Variants in GATA4 observed in about 807,000 individuals in gnomAD.
GATA4 encodes GATA binding protein 4.
A neutral mutation model predicts 37.9 loss-of-function variants in GATA4; 7 were observed. The ratio of observed to expected loss-of-function variants is 0.18; its 90% CI spans 0.11 to 0.35. GATA4 has a LOEUF of 0.35. GATA4 is among the 10% of genes least tolerant of loss of function. The pLI is 1.00. For missense variants in GATA4, 647 were observed against 653.0 expected, an observed-to-expected ratio of 0.99 and a Z score of 0.10; for synonymous variants, 372 against 292.6, an observed-to-expected ratio of 1.27 and a Z score of -2.77.
At chr8:11,680,757 G>A (rs1243858162) in intron 1 of GATA4, 2 of 985,164 alleles carry the variant, frequency 2.0e-6, no homozygotes, top group Admixed American at 6.1e-5. Context: ...CGGCTTCTGC[G>A]CACCCCTCTC....
rs201647948 is a variant in GATA4 at position 11,742,379 on chromosome 8, G to GTT, written c.617-6534_617-6533dup. 1.3e-3 allele frequency among the ~76,000 whole-genome samples: 121 copies of GTT among 93,108 alleles called. 1 individual carries two copies. Among genetic ancestry groups the GTT allele is most frequent in the Non-Finnish European group, 1.6e-3 (60 of 38,022 alleles). 61.1% of individuals were successfully genotyped at this position (93,108 alleles called of 152,430 possible). A position where few individuals can be genotyped will look rare whatever the true frequency, so the allele number is the denominator to read the frequency against. On this transcript the variant is annotated intron_variant, in intron 2 of 6. Coordinates refer to ENST00000532059, the MANE Select transcript of GATA4 (RefSeq NM_001308093.3). Reference sequence around the variant, plus strand: ...CCCTCCCTCCGTTCTTGTTTTTGGTGTTTTGTTTTTTTTTTTTCCTTTCCC... The same window carrying GTT: ...CCCTCCCTCCGTTCTTGTTTTTGGTGTTTTTTGTTTTTTTTTTTTCCTTTCCC...
chr8:11,721,360 G>A (rs1279105945), intron 2 of GATA4, among the ~76,000 whole-genome samples: 1 of 149,056 alleles, frequency 6.7e-6, no homozygotes. Context: ...AATGCAAGCA[G>A]AAGCACGGCG....
intron 2 of GATA4, among the ~76,000 whole-genome samples, chr8:11,733,106 G>T (rs1388827873): frequency 6.6e-6 from 1 of 152,178 alleles, no homozygotes; most frequent in Non-Finnish European, 1.5e-5. Flanking sequence ...TAAATTCCCT[G>T]TGGAGGGAGC....
Position 11,681,399 on chromosome 8 carries a change from G to T in GATA4, c.-274+4336G>T, listed in dbSNP as rs192628003. On this transcript the variant is annotated intron_variant, in intron 1 of 6. Coordinates refer to the GATA4 transcript ENST00000528712. Reference sequence around the variant, plus strand: ...AAAAACTCCTGGCAGACCCTTCCGGGATCACGCGTGGCTCAACTCGGGGGC... The same window carrying T: ...AAAAACTCCTGGCAGACCCTTCCGGTATCACGCGTGGCTCAACTCGGGGGC... The T allele has an allele frequency of 3.7e-5, 36 of 985,090 alleles. No homozygotes were observed. In the East Asian group the frequency reaches 2.6e-3, roughly 72 times the overall value. The allele number at this position is 985,090 out of a possible 1,614,324, so 61.0% of individuals were successfully genotyped here.
At chr8:11,740,190 T>C (rs528288229) in intron 2 of GATA4, among the ~76,000 whole-genome samples, 1 of 152,200 alleles carries the variant, frequency 6.6e-6, no homozygotes, top group Non-Finnish European at 1.5e-5. Flanking sequence ...GCATGCTGCG[T>C]GTGGCTTTTC....
intron 2 of GATA4, among the ~76,000 whole-genome samples, chr8:11,733,590 T>C (rs555306895): frequency 6.6e-6 from 1 of 152,276 alleles, no homozygotes; most frequent in Non-Finnish European, 1.5e-5. Flanking sequence ...GTGAGAATTA[T>C]GGAGTAGAAT....
chr8:11,745,652 T>C (rs1174415913), intron 2 of GATA4, among the ~76,000 whole-genome samples: 1 of 152,036 alleles, frequency 6.6e-6, no homozygotes, highest in Non-Finnish European at 1.5e-5. Flanking sequence ...TTCCTGCATA[T>C]AAAACAATAA....
At chr8:11,735,106 A>G (rs997423638) in intron 2 of GATA4, among the ~76,000 whole-genome samples, 4 of 152,256 alleles carry the variant, frequency 2.6e-5, no homozygotes, top group Non-Finnish European at 5.9e-5. Flanking sequence ...TGTATCTGCA[A>G]TGTTGTATTT....
rs183219410 is a variant in GATA4 at position 11,751,355 on chromosome 8, G to T, written c.912+1119G>T. On this transcript the variant is annotated intron_variant, in intron 4 of 6. Transcript: ENST00000532059. The stretch of plus-strand genomic sequence containing the variant: ...GGAAGAATATAATTTATAGGTGGTT[G>T]CTTCCACATATACAGAACACCTCTG... 1.3e-3 allele frequency among the ~76,000 whole-genome samples: 203 copies of T among 152,248 alleles called. 2 individuals are homozygous for T. Among genetic ancestry groups the T allele is most frequent in the Non-Finnish European group, 2.2e-3 (150 of 68,026 alleles).
chr8:11,710,097 G>A (rs1033530705), intron 2 of GATA4, among the ~76,000 whole-genome samples: 1 of 152,232 alleles, frequency 6.6e-6, no homozygotes, highest in Non-Finnish European at 1.5e-5. Flanking sequence ...GCTCCGAGAA[G>A]GGCCTAGGCT....
intron 2 of GATA4, among the ~76,000 whole-genome samples, chr8:11,710,405 C>G (rs1017985926): frequency 2.0e-5 from 3 of 151,966 alleles, no homozygotes; most frequent in African/African-American, 7.2e-5. Context: ...CCTGGCCTTG[C>G]GCGCTTACGG....
intron 2 of GATA4, 139 bp from the exon 3 acceptor site, chr8:11,748,777 C>G: frequency 1.1e-6 from 1 of 939,950 alleles, no homozygotes; most frequent in Non-Finnish European, 1.7e-6. Context: ...TGAGGAAGAG[C>G]AAGAGCAGCC....
rs532595494 is a variant in GATA4 at position 11,742,323 on chromosome 8, A to T, written c.617-6593A>T. Among the ~76,000 whole-genome samples the T allele has an allele frequency of 2.7e-5, 4 of 146,534 alleles. No individual in the cohort carries two copies. The East Asian group carries it at 6.0e-4, about 22-fold the overall frequency. ...ATTTTCCCCTATCATTTGTTCTTCAACCTCTTCCTCCTCTATCTCTCTACG... is the reference window on the plus strand; with the variant it reads ...ATTTTCCCCTATCATTTGTTCTTCATCCTCTTCCTCCTCTATCTCTCTACG... On this transcript the variant is annotated intron_variant, in intron 2 of 6. Transcript: ENST00000532059.
At chr8:11,736,549 C>T (rs1801466712) in intron 2 of GATA4, among the ~76,000 whole-genome samples, 2 of 152,248 alleles carry the variant, frequency 1.3e-5, no homozygotes, top group Admixed American at 1.3e-4. Context: ...AGGAACTCTG[C>T]AGCCCAGGGC....
chr8:11,709,011 C>G lies in GATA4; in HGVS notation c.616+83C>G. On this transcript the variant is annotated intron_variant, in intron 2 of 6. Transcript: ENST00000532059. This position sits in a 1 kb window ranked among gnomAD's most constrained non-coding sequence, Gnocchi z 4.3. Reference sequence around the variant, plus strand: ...CCCTGTCGAGGGCCTCTTGTTTTTCCACCAACGCCTTCGTTGGGCTGGGGA... The same window carrying G: ...CCCTGTCGAGGGCCTCTTGTTTTTCGACCAACGCCTTCGTTGGGCTGGGGA... 1 of 1,386,364 alleles carries G rather than the reference C, an allele frequency of 7.2e-7. No homozygotes were observed. Among genetic ancestry groups the G allele is most frequent in the Non-Finnish European group, 9.6e-7 (1 of 1,045,522 alleles). 85.9% of individuals were successfully genotyped at this position (1,386,364 alleles called of 1,614,324 possible).
intron 2 of GATA4, among the ~76,000 whole-genome samples, chr8:11,714,984 A>G (rs973748273): frequency 2.6e-5 from 4 of 152,216 alleles, no homozygotes; most frequent in African/African-American, 7.2e-5. Flanking sequence ...ACACCGGCAC[A>G]TATTAATTTC....
chr8:11,686,131 C>A (rs957000331), intron 1 of GATA4, among the ~76,000 whole-genome samples: 1 of 151,850 alleles, frequency 6.6e-6, no homozygotes, highest in Non-Finnish European at 1.5e-5. Flanking sequence ...TGGGATGGAG[C>A]TGGGGGAGAG....
Position 11,759,903 on chromosome 8 carries a change from C to G in GATA4, c.*1428C>G, listed in dbSNP as rs981146712. ...CATTGTTTTCTTCCAAAGGCCCCCTCGTATACCCTCCCTAACCCACAAACC... is the reference window on the plus strand; with the variant it reads ...CATTGTTTTCTTCCAAAGGCCCCCTGGTATACCCTCCCTAACCCACAAACC... On this transcript the variant is annotated 3_prime_UTR_variant, in exon 7 of 7. Transcript: ENST00000532059. The G allele has an allele frequency of 6.6e-6, 1 of 152,666 alleles. No individual in the cohort carries two copies. The highest frequency in any genetic ancestry group is 1.5e-5 in the Non-Finnish European group (1 of 68,050). The allele number at this position is 152,666 out of a possible 1,614,324, so 9.5% of individuals were successfully genotyped here.
chr8:11,730,327 T>A (rs561824165), intron 2 of GATA4, among the ~76,000 whole-genome samples: 2 of 152,342 alleles, frequency 1.3e-5, no homozygotes, highest in African/African-American at 4.8e-5. Context: ...GGCTTTCGAT[T>A]CTTGTGAAGA....
Sources: allele counts gnomAD v4.1 joint callset (sites outside exome capture counted in the v4.1 genomes callset), GRCh38; gene constraint gnomAD v4.1.1; non-coding constraint Gnocchi (gnomAD v3.1); transcripts MANE v1.5; gene names NCBI Gene and HGNC (gene_info 2026-07-23, HGNC 2026-07-21).